Variants in HGSNAT observed in about 807,000 individuals in gnomAD.
The protein encoded by HGSNAT is transmembrane protein 76.
HGSNAT carries 59 observed loss-of-function variants against 85.2 expected under a neutral mutation model. That is an observed-to-expected ratio of 0.69 (90% CI 0.56 to 0.86). HGSNAT has a LOEUF of 0.86. HGSNAT is among the 40% of genes least tolerant of loss of function. HGSNAT has a pLI of 0.00. For synonymous variants in HGSNAT, 321 were observed against 304.5 expected, an observed-to-expected ratio of 1.05 and a Z score of -0.56; for missense variants, 756 against 777.1, an observed-to-expected ratio of 0.97 and a Z score of 0.32.
chr8:43,145,651 T>C lies in HGSNAT; in HGVS notation c.119-1297T>C, dbSNP rs575802282. Reference sequence around the variant, plus strand: ...CTGTAGTCCCAGCTACTCAGGAGGCTGAGGCAGGAGAATGGCTTGAACCCG... The same window carrying C: ...CTGTAGTCCCAGCTACTCAGGAGGCCGAGGCAGGAGAATGGCTTGAACCCG... On this transcript the variant is annotated intron_variant, in intron 1 of 17. Coordinates refer to ENST00000379644, the MANE Select transcript of HGSNAT (RefSeq NM_152419.3). 3.1e-3 allele frequency among the ~76,000 whole-genome samples: 465 copies of C among 152,070 alleles called. 3 individuals are homozygous for C. Among genetic ancestry groups the C allele is most frequent in the Non-Finnish European group, 5.5e-3 (376 of 68,004 alleles).
chr8:43,195,517 AAGAAGAGGAG>A (rs1804678254), intron 14 of HGSNAT, among the ~76,000 whole-genome samples: 1 of 144,892 alleles, frequency 6.9e-6, no homozygotes, highest in Non-Finnish European at 1.5e-5. Context: ...GAGGAGGAGG[AAGAAGAGGAG>A]GAAGAGGAGG....
At chr8:43,172,836 G>T (rs1370785100) in intron 8 of HGSNAT, among the ~76,000 whole-genome samples, 1 of 152,206 alleles carries the variant, frequency 6.6e-6, no homozygotes, top group African/African-American at 2.4e-5. Flanking sequence ...TGGCTTGGTA[G>T]TTGCTTTACA....
intron 5 of HGSNAT, among the ~76,000 whole-genome samples, chr8:43,164,381 T>A (rs1322026614): frequency 6.6e-6 from 1 of 152,244 alleles, no homozygotes; most frequent in East Asian, 1.9e-4. Flanking sequence ...ATTCTTTTTT[T>A]TTTTTGAGAC....
Position 43,185,288 on chromosome 8 carries a change from T to C in HGSNAT, c.1128+3028T>C, listed in dbSNP as rs188509079. Among the ~76,000 whole-genome samples the C allele has an allele frequency of 4.4e-3, 666 of 152,362 alleles. 8 individuals are homozygous for C. The highest frequency in any genetic ancestry group is 0.015 in the African/African-American group (637 of 41,578). On this transcript the variant is annotated intron_variant, in intron 11 of 17. Transcript: ENST00000379644. The stretch of plus-strand genomic sequence containing the variant: ...CCATAAGCATGGAATGTTCTTCCAT[T>C]TGTTTGTGTCCTCTTTTATTTTGTT...
At position 43,141,351 on chromosome 8, in the gene HGSNAT, G is replaced by T. The variant is rs371213829; in HGVS notation, c.118+737G>T. ...GCTGGGCGCTTTTGCCCCGGGCCCC[G>T]GACCCCGGGCGTTTGTCCGGTGCGC... On this transcript the variant is annotated intron_variant, in intron 1 of 17. Coordinates refer to ENST00000379644, the MANE Select transcript of HGSNAT (RefSeq NM_152419.3). 4.4e-3 allele frequency among the ~76,000 whole-genome samples: 673 copies of T among 152,284 alleles called. 9 individuals carry two copies. The highest frequency in any genetic ancestry group is 0.015 in the African/African-American group (642 of 41,570).
intron 9 of HGSNAT, among the ~76,000 whole-genome samples, chr8:43,176,340 C>T (rs1389274433): frequency 6.6e-5 from 10 of 152,020 alleles, no homozygotes; most frequent in South Asian, 2.1e-4. Flanking sequence ...GCACTTTTGT[C>T]GAAAATGAGT....
chr8:43,145,249 G>A (rs752487690), intron 1 of HGSNAT, among the ~76,000 whole-genome samples: 2 of 152,094 alleles, frequency 1.3e-5, no homozygotes, highest in Non-Finnish European at 2.9e-5. Context: ...ACCACCCTGC[G>A]TGCTGACCTA....
At chr8:43,193,958 C>A in intron 14 of HGSNAT, 115 bp downstream of exon 14, 1 of 1,497,746 alleles carries the variant, frequency 6.7e-7, no homozygotes. Flanking sequence ...GTGCTATGGG[C>A]CTAATATATT....
intron 1 of HGSNAT, among the ~76,000 whole-genome samples, chr8:43,144,012 T>G (rs1466231705): frequency 6.6e-6 from 1 of 152,036 alleles, no homozygotes; most frequent in Non-Finnish European, 1.5e-5. Context: ...CAAAAGCCTG[T>G]TTTTGGTTAA....
chr8:43,141,216 C>T (rs1802521673), intron 1 of HGSNAT, among the ~76,000 whole-genome samples: 1 of 152,110 alleles, frequency 6.6e-6, no homozygotes, highest in African/African-American at 2.4e-5. Flanking sequence ...GGGGGCGCGG[C>T]CTGCAGCCCG....
At chr8:43,190,966 G>C (rs1351487961) in intron 11 of HGSNAT, among the ~76,000 whole-genome samples, 2 of 152,110 alleles carry the variant, frequency 1.3e-5, no homozygotes, top group Non-Finnish European at 2.9e-5. Flanking sequence ...CTCTACACAT[G>C]TACCTGCTCT....
intron 11 of HGSNAT, among the ~76,000 whole-genome samples, chr8:43,186,477 G>A (rs1804315248): frequency 6.6e-6 from 1 of 152,016 alleles, no homozygotes; most frequent in Non-Finnish European, 1.5e-5. Flanking sequence ...TGTGGAATCG[G>A]TGGTGATATC....
At chr8:43,153,816 G>T (rs1054015590) in intron 2 of HGSNAT, among the ~76,000 whole-genome samples, 1 of 152,064 alleles carries the variant, frequency 6.6e-6, no homozygotes, top group Non-Finnish European at 1.5e-5. Context: ...TTCTGTGTCT[G>T]GCTTATTTCA....
chr8:43,188,005 G>C, intron 11 of HGSNAT, among the ~76,000 whole-genome samples: 1 of 152,158 alleles, frequency 6.6e-6, no homozygotes, highest in East Asian at 1.9e-4. Flanking sequence ...TTTCTGCTGA[G>C]AGATCTGCTG....
At chr8:43,195,492 A>AGGAAGAGGAGGAGGAGGAGG (rs1563384585) in intron 14 of HGSNAT, among the ~76,000 whole-genome samples, 4 of 149,938 alleles carry the variant, frequency 2.7e-5, no homozygotes, top group African/African-American at 4.9e-5. Flanking sequence ...GGAGGAGGAG[A>AGGAAGAGGAGGAGGAGGAGG]AGGAAGAGGA....
intron 11 of HGSNAT, among the ~76,000 whole-genome samples, chr8:43,182,956 T>C (rs1425376251): frequency 1.3e-5 from 2 of 152,252 alleles, no homozygotes; most frequent in African/African-American, 4.8e-5. Flanking sequence ...CAGACAGTAA[T>C]CACATGCATT....
rs1803004888 is a variant in HGSNAT at position 43,153,971 on chromosome 8, A to G, written c.235-4604A>G. ...GTTGATGGATAGTTAGGTTGATTCC[A>G]TATCTTGGCTATTATGAATAGTGCT... On this transcript the variant is annotated intron_variant, in intron 2 of 17. Coordinates refer to ENST00000379644, the MANE Select transcript of HGSNAT (RefSeq NM_152419.3). Among the ~76,000 whole-genome samples, 3 of 152,266 alleles carry G rather than the reference A, an allele frequency of 2.0e-5. No homozygotes were observed. In the South Asian group the frequency reaches 6.2e-4, roughly 32 times the overall value.
At chr8:43,194,643 G>T in intron 14 of HGSNAT, 1 of 394,548 alleles carries the variant, frequency 2.5e-6, no homozygotes, top group Non-Finnish European at 3.4e-6. Flanking sequence ...ATGTCCTTCA[G>T]GGGGGACAAA....
Position 43,199,403 on chromosome 8 carries a change from T to A in HGSNAT, c.1742T>A (p.Leu581Gln). 6.3e-7 allele frequency: 1 copy of A among 1,598,694 alleles called. No homozygotes were observed. Among genetic ancestry groups the A allele is most frequent in the South Asian group, 1.1e-5 (1 of 88,342 alleles). ...TCTCCTTAAGGAATGAATTCCATTC[T>A]GGTATATGTCGGCCACGAGGTGTTT... ...PFFYPGMNSI[L>Q]VYVGHEVFEN... Residue 581 changes from leucine to glutamine, a missense_variant, in exon 18 of 18, where the codon CTG becomes CAG. Transcript: ENST00000379644.
Sources: gnomAD v4.1 joint callset for allele counts (sites outside exome capture counted in the v4.1 genomes callset) on GRCh38, gnomAD v4.1.1 for gene constraint, MANE v1.5 for transcripts, NCBI Gene and HGNC (gene_info 2026-07-23, HGNC 2026-07-21) for gene names.